ESR1: variants seen among roughly 807,000 people sequenced by gnomAD.
The protein encoded by ESR1 is estrogen receptor.
A neutral mutation model predicts 52.7 loss-of-function variants in ESR1; 12 were observed. The observed-to-expected ratio is 0.23, with a 90% CI of 0.15 to 0.37. The LOEUF (loss-of-function observed/expected upper bound fraction) is 0.37, where lower values mean the gene tolerates loss of function less well. Among genes scored for constraint, ESR1 ranks in the 10% least tolerant of loss-of-function variants. The pLI is 1.00. For missense variants in ESR1, 584 were observed against 779.7 expected (o/e 0.75, Z 2.99); for synonymous variants, 305 against 316.8 (o/e 0.96, Z 0.39).
At chr6:151,964,882 T>C (rs2038098456) in intron 4 of ESR1, among the ~76,000 whole-genome samples, 2 of 152,172 alleles carry the variant, frequency 1.3e-5, no homozygotes. Context: ...GACCTCGTGA[T>C]CCACCCGCCT....
intron 4 of ESR1, among the ~76,000 whole-genome samples, chr6:151,949,929 G>A (rs2036146142): frequency 6.6e-6 from 1 of 152,218 alleles, no homozygotes; most frequent in African/African-American, 2.4e-5. Flanking sequence ...TGGTTTGCCT[G>A]TGTCCCCACC....
intron 5 of ESR1, among the ~76,000 whole-genome samples, chr6:152,018,572 A>C (rs1352631648): frequency 6.6e-6 from 1 of 151,952 alleles, no homozygotes; most frequent in East Asian, 1.9e-4. Flanking sequence ...GACCGCACAC[A>C]TTGTAGTAGC....
At chr6:151,681,612 G>A (rs1202083554) in intron 1 of ESR1, among the ~76,000 whole-genome samples, 1 of 152,118 alleles carries the variant, frequency 6.6e-6, no homozygotes, top group African/African-American at 2.4e-5. Flanking sequence ...CATTCTCTTC[G>A]TCCCCAATGT....
intron 2 of ESR1, among the ~76,000 whole-genome samples, chr6:151,789,016 C>A (rs930393628): frequency 6.6e-6 from 1 of 152,018 alleles, no homozygotes; most frequent in African/African-American, 2.4e-5. Flanking sequence ...AGGCTTAATA[C>A]CTGGGTGATG....
chr6:152,011,102 C>T (rs2042728322), intron 4 of ESR1, among the ~76,000 whole-genome samples: 1 of 151,854 alleles, frequency 6.6e-6, no homozygotes, highest in South Asian at 2.1e-4. Context: ...ACCTTTTTTT[C>T]CATCTGACTC....
chr6:151,678,495 G>A (rs868628111), intron 1 of ESR1, among the ~76,000 whole-genome samples: 10 of 151,558 alleles, frequency 6.6e-5, no homozygotes, highest in African/African-American at 2.4e-4. Flanking sequence ...AAAAGTTGAT[G>A]CCTGAGTCTC....
At chr6:151,837,830 AG>A (rs1474465766) in intron 1 of ESR1, among the ~76,000 whole-genome samples, 2 of 152,178 alleles carry the variant, frequency 1.3e-5, no homozygotes, top group Non-Finnish European at 2.9e-5. Context: ...TTTACAAGGA[AG>A]GAGGTATCTT....
intron 1 of ESR1, among the ~76,000 whole-genome samples, chr6:151,684,535 A>C (rs76884697): frequency 6.6e-6 from 1 of 152,174 alleles, no homozygotes; most frequent in Non-Finnish European, 1.5e-5. Context: ...GCTGAAGAGG[A>C]TCTGACTTGT....
chr6:152,097,102 G>C (rs9341060), intron 7 of ESR1, among the ~76,000 whole-genome samples: 1 of 152,062 alleles, frequency 6.6e-6, no homozygotes, highest in South Asian at 2.1e-4. Flanking sequence ...TGTTGGAATC[G>C]TGTGAAAAGC....
intron 2 of ESR1, among the ~76,000 whole-genome samples, chr6:151,727,612 T>C (rs901287241): frequency 1.3e-5 from 2 of 152,092 alleles, no homozygotes; most frequent in African/African-American, 4.8e-5. Flanking sequence ...TCAGCAAAAA[T>C]AGGAGCCAGA....
chr6:151,780,473 G>T (rs1027676077), intron 2 of ESR1, among the ~76,000 whole-genome samples: 1 of 152,078 alleles, frequency 6.6e-6, no homozygotes, highest in Non-Finnish European at 1.5e-5. Flanking sequence ...CAGCACAAAA[G>T]AATTACTCAG....
intron 2 of ESR1, among the ~76,000 whole-genome samples, chr6:151,792,697 C>T (rs763420451): frequency 6.6e-6 from 1 of 152,218 alleles, no homozygotes; most frequent in Non-Finnish European, 1.5e-5. Context: ...CCTCAGCCTC[C>T]CAGCATGCTG....
At chr6:151,932,279 T>C (rs1429574003) in intron 3 of ESR1, among the ~76,000 whole-genome samples, 9 of 151,370 alleles carry the variant, frequency 5.9e-5, no homozygotes, top group Non-Finnish European at 1.2e-4. Flanking sequence ...TCATGTCCTT[T>C]GCCCACTTTT....
intron 6 of ESR1, chr6:152,122,704 C>T (rs2051706578): frequency 1.9e-6 from 3 of 1,613,060 alleles, no homozygotes; most frequent in Admixed American, 1.7e-5. Flanking sequence ...ATAAATTACT[C>T]AGATAACTCC....
In ESR1 at chr6:151,966,821, C is replaced by T. The variant is rs370369365; in HGVS notation, c.1096+22313C>T. On this transcript the variant is annotated intron_variant, in intron 4 of 7. Coordinates refer to ENST00000206249, the MANE Select transcript of ESR1 (RefSeq NM_000125.4). ...CACTCTGAATGCAGGGCACGATGGG[C>T]GAACATTTTGTTACTGGCCTCCTCA... is the stretch of plus-strand genomic sequence containing the variant. Among the ~76,000 whole-genome samples, 277 of 152,250 alleles carry T rather than the reference C, an allele frequency of 1.8e-3. 3 individuals are homozygous for T. Among genetic ancestry groups the T allele is most frequent in the South Asian group, 0.018 (87 of 4,822 alleles).
intron 2 of ESR1, among the ~76,000 whole-genome samples, chr6:151,785,155 G>A (rs1049416123): frequency 6.6e-6 from 1 of 152,206 alleles, no homozygotes; most frequent in Non-Finnish European, 1.5e-5. Context: ...ACCTTGGCAA[G>A]TTGACACCTG....
chr6:151,910,837 T>C (rs1415979887), intron 3 of ESR1, among the ~76,000 whole-genome samples: 1 of 152,220 alleles, frequency 6.6e-6, no homozygotes, highest in Admixed American at 6.5e-5. Flanking sequence ...AATATATTAA[T>C]GCAGCGGTCC....
intron 5 of ESR1, among the ~76,000 whole-genome samples, chr6:152,050,723 C>T (rs1358742806): frequency 6.6e-6 from 1 of 152,146 alleles, no homozygotes; most frequent in Non-Finnish European, 1.5e-5. Context: ...ATCATCAATC[C>T]CATTCTTGTA....
intron 3 of ESR1, among the ~76,000 whole-genome samples, chr6:151,883,224 ATTCTCCTGCTTCAACTTCCCAAGTAG>A (rs1464215420): frequency 6.6e-6 from 1 of 151,028 alleles, no homozygotes; most frequent in Non-Finnish European, 1.5e-5. Context: ...GGTTCAGGCG[ATTCTCCTGCTTCAACTTCCCAAGTAG>A]CTGGGACTAC....
Sources: gnomAD v4.1 joint callset for allele counts (sites outside exome capture counted in the v4.1 genomes callset) on GRCh38, gnomAD v4.1.1 for gene constraint, MANE v1.5 for transcripts, NCBI Gene and HGNC (gene_info 2026-07-23, HGNC 2026-07-21) for gene names.